The following AEBP2 variants were observed in gnomAD, a reference collection of about 807,000 sequenced individuals.
The protein encoded by AEBP2 is zinc finger protein AEBP2.
In AEBP2, 10 loss-of-function variants were observed where a neutral mutation model predicts 50.8. The observed-to-expected ratio is 0.20, with a 90% CI of 0.12 to 0.33. The LOEUF (loss-of-function observed/expected upper bound fraction) is 0.33, where lower values mean the gene tolerates loss of function less well. Ranked by LOEUF, AEBP2 falls within the 10% of genes least tolerant of loss-of-function variation. AEBP2 has a pLI of 1.00. For missense variants in AEBP2, 570 were observed against 688.0 expected, an observed-to-expected ratio of 0.83 and a Z score of 1.92; for synonymous variants, 296 against 261.3, an observed-to-expected ratio of 1.13 and a Z score of -1.28.
At chr12:19,465,404 T>A (rs977167064) in intron 2 of AEBP2, among the ~76,000 whole-genome samples, 10 of 151,626 alleles carry the variant, frequency 6.6e-5, no homozygotes, top group African/African-American at 1.5e-4. Context: ...AAAAAAAAAA[T>A]AAATAAAATA....
rs368819077 is a variant in AEBP2 at position 19,515,368 on chromosome 12, C to T, written c.1481+584C>T. On this transcript the variant is annotated intron_variant, in intron 7 of 7. Transcript: ENST00000266508. Reference sequence around the variant, plus strand: ...CACTTTGCTAGGTGCTTTGCGTATACGTCATCCTCACGGCTGCTCTGTGAA... The same window carrying T: ...CACTTTGCTAGGTGCTTTGCGTATATGTCATCCTCACGGCTGCTCTGTGAA... Among the ~76,000 whole-genome samples the T allele has an allele frequency of 4.6e-5, 7 of 152,216 alleles. No homozygotes were observed. The South Asian group carries it at 1.5e-3, about 32-fold the overall frequency.
chr12:19,457,403 G>A lies in AEBP2; in HGVS notation c.672-5107G>A, dbSNP rs1163916542. The A allele has an allele frequency of 3.5e-5, 51 of 1,463,716 alleles. No individual in the cohort carries two copies. The Admixed American group carries it at 8.0e-4, about 23-fold the overall frequency. 90.7% of individuals were successfully genotyped at this position (1,463,716 alleles called of 1,614,324 possible). On this transcript the variant is annotated intron_variant, in intron 1 of 7. Coordinates refer to ENST00000266508, the MANE Select transcript of AEBP2 (RefSeq NM_153207.5). ...CAATGATAGTCACGTAGCACTTGCT[G>A]TTCTCAAATTTCCACAAGGAGGTAT...
intron 4 of AEBP2, among the ~76,000 whole-genome samples, chr12:19,495,000 G>A (rs1003433986): frequency 6.6e-6 from 1 of 151,564 alleles, no homozygotes; most frequent in Non-Finnish European, 1.5e-5. Flanking sequence ...TCCGACTTCC[G>A]GGTTCAAGCA....
At chr12:19,509,910 G>A (rs1949209988) in intron 5 of AEBP2, among the ~76,000 whole-genome samples, 1 of 125,778 alleles carries the variant, frequency 8.0e-6, no homozygotes, top group Non-Finnish European at 1.5e-5. Flanking sequence ...TCGGCTCACT[G>A]TAGCTTCCGC....
At position 19,462,542 on chromosome 12, in the gene AEBP2, C is replaced by G; in HGVS notation, c.704C>G (p.Thr235Arg). 6.2e-7 allele frequency: 1 copy of G among 1,612,854 alleles called. No individual in the cohort carries two copies. ...ISSTIMDVDSTISSGRSTPAM... is the reference protein window; with the variant it reads ...ISSTIMDVDSRISSGRSTPAM... The stretch of plus-strand genomic sequence containing the variant: ...AGTACTATAATGGATGTAGACAGCA[C>G]AATTTCCAGTGGGCGTTCAACTCCA... The change falls in exon 2 of 8, where the codon ACA (threonine) becomes AGA (arginine). Residue 235 changes from threonine (T) to arginine (R), a missense_variant. Transcript: ENST00000266508.
intron 1 of AEBP2, among the ~76,000 whole-genome samples, chr12:19,409,389 C>CCCT (rs1431046675): frequency 6.6e-6 from 1 of 151,848 alleles, no homozygotes; most frequent in Non-Finnish European, 1.5e-5. Flanking sequence ...ATCCTACATA[C>CCCT]CCTTGGAAAA....
At chr12:19,503,735 G>C (rs1249378662) in intron 5 of AEBP2, among the ~76,000 whole-genome samples, 1 of 151,790 alleles carries the variant, frequency 6.6e-6, no homozygotes, top group Non-Finnish European at 1.5e-5. Flanking sequence ...TGTTGCCCAG[G>C]CTGGTTTTGA....
At chr12:19,413,264 G>A in intron 1 of AEBP2, 2 of 1,181,036 alleles carry the variant, frequency 1.7e-6, no homozygotes, top group Non-Finnish European at 2.5e-6. Flanking sequence ...AAGTAACTTA[G>A]CACTTGTAAA....
chr12:19,517,602 G>C (rs1949339095), intron 7 of AEBP2, among the ~76,000 whole-genome samples: 3 of 152,208 alleles, frequency 2.0e-5, no homozygotes, highest in African/African-American at 7.2e-5. Flanking sequence ...ATCTGCAGGG[G>C]ATTCTGGGGA....
chr12:19,404,343 T>A (rs2095734908), intron 1 of AEBP2: 1 of 152,268 alleles, frequency 6.6e-6, no homozygotes, highest in Non-Finnish European at 1.5e-5. Context: ...TGGGTAGGGT[T>A]AAGGCCTTCC....
chr12:19,436,587 C>CTTT (rs111566734), upstream of AEBP2, among the ~76,000 whole-genome samples: 87 of 139,870 alleles, frequency 6.2e-4, no homozygotes, highest in South Asian at 2.5e-3. Flanking sequence ...TTTCTTTTTT[C>CTTT]TTTTTTTTTT....
intron 3 of AEBP2, 86 bp from the exon 4 acceptor site, chr12:19,493,714 C>G: frequency 7.7e-7 from 1 of 1,291,228 alleles, no homozygotes; most frequent in South Asian, 1.5e-5. Context: ...TATTTACTTC[C>G]GAAAATACTA....
chr12:19,475,219 C>A (rs1948630369), intron 3 of AEBP2, among the ~76,000 whole-genome samples: 2 of 151,782 alleles, frequency 1.3e-5, no homozygotes, highest in South Asian at 4.1e-4. Context: ...GTCTTTTATA[C>A]CTAACCACCC....
intron 1 of AEBP2, among the ~76,000 whole-genome samples, chr12:19,441,836 T>G (rs896138023): frequency 6.6e-6 from 1 of 152,212 alleles, no homozygotes; most frequent in Non-Finnish European, 1.5e-5. Flanking sequence ...CCATTACATA[T>G]CTGAAAGTTG....
intron 2 of AEBP2, among the ~76,000 whole-genome samples, chr12:19,466,530 G>A (rs1023049685): frequency 6.6e-6 from 1 of 152,124 alleles, no homozygotes; most frequent in South Asian, 2.1e-4. Context: ...ATCGCCACCC[G>A]CTCTCTGTCT....
At chr12:19,484,250 A>ATTTT (rs59403434) in intron 3 of AEBP2, among the ~76,000 whole-genome samples, 30 of 107,502 alleles carry the variant, frequency 2.8e-4, no homozygotes, top group Non-Finnish European at 3.9e-4. Context: ...CGCCCAGCCA[A>ATTTT]TTTTTTTTTT....
intron 1 of AEBP2, among the ~76,000 whole-genome samples, chr12:19,455,444 T>A (rs1948251815): frequency 6.6e-6 from 1 of 152,168 alleles, no homozygotes; most frequent in South Asian, 2.1e-4. Context: ...AGACCATAGT[T>A]TTGTCCTTCT....
At chr12:19,489,488 T>TG (rs925641307) in intron 3 of AEBP2, among the ~76,000 whole-genome samples, 8 of 152,208 alleles carry the variant, frequency 5.3e-5, no homozygotes, top group African/African-American at 1.9e-4. Flanking sequence ...GAGATTTGGA[T>TG]GGGGACACAG....
chr12:19,438,680 T>C (rs971050447), upstream of AEBP2, among the ~76,000 whole-genome samples: 4 of 152,254 alleles, frequency 2.6e-5, no homozygotes, highest in Non-Finnish European at 5.9e-5. Flanking sequence ...GTTCACATTT[T>C]TATTACAAGT....
Sources: allele counts gnomAD v4.1 joint callset (sites outside exome capture counted in the v4.1 genomes callset), GRCh38; gene constraint gnomAD v4.1.1; transcripts MANE v1.5; gene names NCBI Gene and HGNC (gene_info 2026-07-23, HGNC 2026-07-21).